The following OMG variants were observed in gnomAD, a reference collection of about 807,000 sequenced individuals.
The protein encoded by OMG is oligodendrocyte myelin glycoprotein.
OMG carries 9 observed loss-of-function variants against 26.2 expected under a neutral mutation model. That is an observed-to-expected ratio of 0.34 (90% CI 0.21 to 0.60). The LOEUF (loss-of-function observed/expected upper bound fraction) is 0.60, where lower values mean the gene tolerates loss of function less well. Among genes scored for constraint, OMG ranks in the 20% least tolerant of loss-of-function variants. OMG has a pLI of 0.80. For missense variants in OMG, 402 were observed against 513.6 expected (o/e 0.78, Z 2.10); for synonymous variants, 179 against 190.4 (o/e 0.94, Z 0.49).
At position 31,295,187 on chromosome 17, in the gene OMG, A is replaced by G; in HGVS notation, c.1145T>C (p.Ile382Thr). The change falls in exon 2 of 2, where the codon ATC (isoleucine) becomes ACC (threonine). Residue 382 changes from isoleucine (I) to threonine (T), a missense_variant. Transcript: ENST00000247271. Reference sequence around the variant, plus strand: ...GAAATTATTTGGCATGCCACTAGTGATACTTAGGGTCATGGGTGTTGGGGA... The same window carrying G: ...GAAATTATTTGGCATGCCACTAGTGGTACTTAGGGTCATGGGTGTTGGGGA... ...KSSPTPMTLS[I>T]TSGMPNNFSE... The G allele has an allele frequency of 6.2e-7, 1 of 1,614,108 alleles. No individual in the cohort carries two copies. Among genetic ancestry groups the G allele is most frequent in the Non-Finnish European group, 8.5e-7 (1 of 1,180,018 alleles).
In OMG at chr17:31,295,014, C is replaced by G. The variant is rs372004919; in HGVS notation, c.1318G>C (p.Val440Leu). Reference sequence around the variant, plus strand: ...GTTTCAGAAAATGCAGACCCTCAGACAGCCAGCATGACCACAACATTGAGC... The same window carrying G: ...GTTTCAGAAAATGCAGACCCTCAGAGAGCCAGCATGACCACAACATTGAGC... Reference protein sequence around the residue: ...LLLNVVVMLAV With the variant: ...LLLNVVVMLAL The change falls in exon 2 of 2, where the codon GTC becomes CTC. Residue 440 changes from valine (V) to leucine (L), a missense_variant. By Grantham distance (32) the Val-to-Leu change is conservative (BLOSUM62 1). Transcript: ENST00000247271. The G allele has an allele frequency of 1.2e-5, 20 of 1,614,124 alleles. No individual in the cohort carries two copies. Among genetic ancestry groups the G allele is most frequent in the Middle Eastern group, 3.3e-4 (2 of 6,062 alleles).
intron 1 of OMG, 39 bp from the exon 2 acceptor site, chr17:31,296,376 A>T (rs766631658): frequency 1.2e-6 from 2 of 1,611,880 alleles, no homozygotes; most frequent in Non-Finnish European, 1.7e-6. Context: ...TAATATGCAA[A>T]TACAGTTTAG....
In OMG at chr17:31,295,944, C is replaced by T. The variant is rs778847992; in HGVS notation, c.388G>A (p.Val130Ile). 1 of 1,614,086 alleles carries T rather than the reference C, an allele frequency of 6.2e-7. No individual in the cohort carries two copies. Among genetic ancestry groups the T allele is most frequent in the East Asian group, 2.2e-5 (1 of 44,888 alleles). ...ACCTTTTCCAGCATGTTCTTAGAAA[C>T]ATCCAGATATTTAAGATTCCACTGA... ...AYQWNLKYLD[V>I]SKNMLEKVVL... The change falls in exon 2 of 2, where the codon GTT (valine) becomes ATT (isoleucine). Residue 130 changes from valine to isoleucine, a missense_variant. Coordinates refer to ENST00000247271, the MANE Select transcript of OMG (RefSeq NM_002544.5).
chr17:31,295,681 C>T lies in OMG; in HGVS notation c.651G>A (p.Leu217=), dbSNP rs757619327. ...PDQSFDQLFQ[L]QEITLYNNRW... is the part of the protein sequence containing the mutation. ...TGTTATTGTAAAGGGTTATCTCTTG[C>T]AACTGAAAGAGTTGGTCAAAAGATT... The change falls in exon 2 of 2, where the codon TTG becomes TTA. Residue 217 remains leucine, a synonymous_variant. Transcript: ENST00000247271. 1.2e-6 allele frequency: 2 copies of T among 1,614,108 alleles called. No individual in the cohort carries two copies. Among genetic ancestry groups the T allele is most frequent in the South Asian group, 1.1e-5 (1 of 91,080 alleles).
chr17:31,296,589 T>TC (rs1236188768), intron 1 of OMG: 5 of 476,808 alleles, frequency 1.0e-5, no homozygotes, highest in Admixed American at 6.6e-5. Context: ...ATTTTCTCTC[T>TC]CCCTCCCCCC....
At chr17:31,297,115 A>G (rs1014859443) in intron 1 of OMG, 41 bp downstream of exon 1, 1 of 152,228 alleles carries the variant, frequency 6.6e-6, no homozygotes, top group Non-Finnish European at 1.5e-5. Flanking sequence ...AAGGAAAAAG[A>G]TTCCAAAGTC....
chr17:31,294,877 A>G lies in OMG; in HGVS notation c.*132T>C, dbSNP rs1013458051. ...TAAGACAAGTTACTTCATTTACATC[A>G]GAGTTAGAAATGTTAAGACTGGCTT... is the stretch of plus-strand genomic sequence containing the variant. On this transcript the variant is annotated 3_prime_UTR_variant, in exon 2 of 2. Transcript: ENST00000247271. The G allele has an allele frequency of 8.5e-7, 1 of 1,170,624 alleles. No individual in the cohort carries two copies. The highest frequency in any genetic ancestry group is 1.3e-6 in the Non-Finnish European group (1 of 794,948). The allele number at this position is 1,170,624 out of a possible 1,614,324, so 72.5% of individuals were successfully genotyped here.
chr17:31,296,357 C>T lies in OMG; in HGVS notation c.-6-20G>A, dbSNP rs918529623. 1.2e-6 allele frequency: 2 copies of T among 1,613,540 alleles called. No individual in the cohort carries two copies. The highest frequency in any genetic ancestry group is 1.7e-5 in the Admixed American group (1 of 60,014). ...CAAAGCCTAGAAACAAACAGATACA[C>T]CCTTCTTTTAATATGCAAATACAGT... On this transcript the variant is annotated intron_variant, in intron 1 of 1. Coordinates refer to ENST00000247271, the MANE Select transcript of OMG (RefSeq NM_002544.5).
In OMG at chr17:31,294,874, A is replaced by T. The variant is rs2068427622; in HGVS notation, c.*135T>A. On this transcript the variant is annotated 3_prime_UTR_variant, in exon 2 of 2. Coordinates refer to ENST00000247271, the MANE Select transcript of OMG (RefSeq NM_002544.5). ...ATTTAAGACAAGTTACTTCATTTAC[A>T]TCAGAGTTAGAAATGTTAAGACTGG... 8.7e-7 allele frequency: 1 copy of T among 1,151,946 alleles called. No homozygotes were observed. The highest frequency in any genetic ancestry group is 1.5e-5 in the African/African-American group (1 of 65,390). The allele number at this position is 1,151,946 out of a possible 1,614,324, so 71.4% of individuals were successfully genotyped here. A position where few individuals can be genotyped will look rare whatever the true frequency, so the allele number is the denominator to read the frequency against.
In OMG at chr17:31,295,604, A is replaced by G. The variant is rs2151499295; in HGVS notation, c.728T>C (p.Met243Thr). The G allele has an allele frequency of 2.5e-6, 4 of 1,614,164 alleles. No individual in the cohort carries two copies. The highest frequency in any genetic ancestry group is 2.2e-5 in the East Asian group (1 of 44,880). Residue 243 changes from methionine to threonine, a missense_variant, in exon 2 of 2, where the codon ATG becomes ACG. Physicochemically the swap from Met to Thr is moderately conservative, Grantham distance 81. This residue lies in a region of OMG where 247 missense variants were observed against 274.7 expected (regional missense o/e 0.90). Transcript: ENST00000247271. ...CCCTATCACATGGGCTTTTGTTTCC[A>G]TCATCCACTTCAGTAAGTAAGTAAT... ...QNITYLLKWMMETKAHVIGTP... is the reference protein window; with the variant it reads ...QNITYLLKWMTETKAHVIGTP...
chr17:31,296,129 G>A lies in OMG; in HGVS notation c.203C>T (p.Thr68Ile). 1 of 1,611,016 alleles carries A rather than the reference G, an allele frequency of 6.2e-7. No homozygotes were observed. Among genetic ancestry groups the A allele is most frequent in the Non-Finnish European group, 8.5e-7 (1 of 1,178,056 alleles). ...TTGGGTTAACTGGTTATGCAGATCAGTAAAGTGGTTATAAGACAGGTTTAA... is the reference window on the plus strand; with the variant it reads ...TTGGGTTAACTGGTTATGCAGATCAATAAAGTGGTTATAAGACAGGTTTAA... ...IHLNLSYNHFTDLHNQLTQYT... is the reference protein window; with the variant it reads ...IHLNLSYNHFIDLHNQLTQYT... Residue 68 changes from threonine (T) to isoleucine (I), a missense_variant, in exon 2 of 2, where the codon ACT becomes ATT. By Grantham distance (89) the Thr-to-Ile change is moderately conservative (BLOSUM62 -1). This residue lies in a region of OMG where 65 missense variants were observed against 80.0 expected (regional missense o/e 0.81). Transcript: ENST00000247271.
At position 31,295,661 on chromosome 17, in the gene OMG, T is replaced by C. The variant is rs1397229874; in HGVS notation, c.671A>G (p.Asn224Ser). ...TTTGTGGTCACATGACCACCTGTTA[T>C]TGTAAAGGGTTATCTCTTGCAACTG... The part of the protein sequence containing the change: ...LFQLQEITLY[N>S]NRWSCDHKQN... The change falls in exon 2 of 2, where the codon AAT becomes AGT. Residue 224 changes from asparagine to serine, a missense_variant. Physicochemically the swap from Asn to Ser is conservative, Grantham distance 46. This residue lies in a region of OMG where 247 missense variants were observed against 274.7 expected (regional missense o/e 0.90). Transcript: ENST00000247271. 9.9e-6 allele frequency: 16 copies of C among 1,614,026 alleles called. No individual in the cohort carries two copies. Among genetic ancestry groups the C allele is most frequent in the Non-Finnish European group, 1.4e-5 (16 of 1,180,016 alleles).
Position 31,295,699 on chromosome 17 carries a change from A to C in OMG, c.633T>G (p.Phe211Leu), listed in dbSNP as rs749083754. ...NKFTFIPDQS[F>L]DQLFQLQEIT... ...TCTCTTGCAACTGAAAGAGTTGGTC[A>C]AAAGATTGGTCTGGAATGAATGTGA... The change falls in exon 2 of 2, where the codon TTT (phenylalanine) becomes TTG (leucine). Residue 211 changes from phenylalanine to leucine, a missense_variant. This residue lies in a region of OMG where 247 missense variants were observed against 274.7 expected (regional missense o/e 0.90). Transcript: ENST00000247271. The C allele has an allele frequency of 6.2e-7, 1 of 1,614,210 alleles. No individual in the cohort carries two copies. Among genetic ancestry groups the C allele is most frequent in the Admixed American group, 1.7e-5 (1 of 60,026 alleles).
In OMG at chr17:31,296,551, C is replaced by G. The variant is rs543855668; in HGVS notation, c.-6-214G>C. 5.3e-5 allele frequency: 30 copies of G among 560,932 alleles called. No individual in the cohort carries two copies. In the African/African-American group the frequency reaches 5.4e-4, roughly 10 times the overall value. The allele number at this position is 560,932 out of a possible 1,614,324, so 34.7% of individuals were successfully genotyped here. On this transcript the variant is annotated intron_variant, in intron 1 of 1. Coordinates refer to ENST00000247271, the MANE Select transcript of OMG (RefSeq NM_002544.5). ...GCTATGTGGTAGAGAGAGACTCTCT[C>G]CCTACTCTCTCCTGCATTTTCTCCT...
Position 31,295,693 on chromosome 17 carries a change from T to C in OMG, c.639A>G (p.Gln213=), listed in dbSNP as rs779884835. ...FTFIPDQSFD[Q]LFQLQEITLY... ...GGGTTATCTCTTGCAACTGAAAGAG[T>C]TGGTCAAAAGATTGGTCTGGAATGA... Residue 213 remains glutamine, a synonymous_variant, in exon 2 of 2, where the codon CAA becomes CAG. Coordinates refer to ENST00000247271, the MANE Select transcript of OMG (RefSeq NM_002544.5). The C allele has an allele frequency of 5.6e-6, 9 of 1,613,922 alleles. No individual in the cohort carries two copies. Among genetic ancestry groups the C allele is most frequent in the Non-Finnish European group, 7.6e-6 (9 of 1,179,990 alleles).
chr17:31,295,177 G>A lies in OMG; in HGVS notation c.1155C>T (p.Gly385=), dbSNP rs1455036168. The A allele has an allele frequency of 6.2e-7, 1 of 1,614,150 alleles. No homozygotes were observed. Among genetic ancestry groups the A allele is most frequent in the East Asian group, 2.2e-5 (1 of 44,890 alleles). ...PTPMTLSITS[G]MPNNFSEMPQ... The stretch of plus-strand genomic sequence containing the variant: ...GCATTTCAGAGAAATTATTTGGCAT[G>A]CCACTAGTGATACTTAGGGTCATGG... Residue 385 remains glycine, a synonymous_variant, in exon 2 of 2, where the codon GGC becomes GGT. Coordinates refer to ENST00000247271, the MANE Select transcript of OMG (RefSeq NM_002544.5).
Position 31,294,972 on chromosome 17 carries a change from G to C in OMG, c.*37C>G, listed in dbSNP as rs1296234420. ...CATATTTTCCCAACTGTACATCAGG[G>C]AGGAGTGCTTTCATTAGTTTCAGAA... On this transcript the variant is annotated 3_prime_UTR_variant, in exon 2 of 2. Transcript: ENST00000247271. The C allele has an allele frequency of 6.2e-7, 1 of 1,613,672 alleles. No individual in the cohort carries two copies. Among genetic ancestry groups the C allele is most frequent in the Non-Finnish European group, 8.5e-7 (1 of 1,179,756 alleles).
chr17:31,295,775 G>A lies in OMG; in HGVS notation c.557C>T (p.Thr186Ile). The A allele has an allele frequency of 1.2e-6, 2 of 1,614,174 alleles. No individual in the cohort carries two copies. Among genetic ancestry groups the A allele is most frequent in the Non-Finnish European group, 1.7e-6 (2 of 1,180,014 alleles). The part of the protein sequence containing the change: ...NNSLTQILPG[T>I]LINLTNLTHL... ...TGTGAGATTTGTCAGGTTTATTAAT[G>A]TACCTGGAAGAATTTGTGTCAAAGA... The change falls in exon 2 of 2, where the codon ACA becomes ATA. Residue 186 changes from threonine to isoleucine, a missense_variant. Around this residue, in one of 3 missense-constraint regions of OMG, gnomAD observed 90 missense variants for 158.9 expected, o/e 0.57. Transcript: ENST00000247271.
In OMG at chr17:31,297,172, A is replaced by T. The variant is rs2068485070; in HGVS notation, c.-23T>A. On this transcript the variant is annotated 5_prime_UTR_variant, in exon 1 of 2. It adds an upstream start codon to the 5' untranslated region. Transcript: ENST00000247271. ...ACATCTTACCGTGGTGTCGTCTTCA[A>T]CATCAGCATCTCATTTTCTCTGGGA... 1 of 152,244 alleles carries T rather than the reference A, an allele frequency of 6.6e-6. No individual in the cohort carries two copies. The highest frequency in any genetic ancestry group is 1.9e-4 in the East Asian group (1 of 5,200). The allele number at this position is 152,244 out of a possible 1,614,324, so 9.4% of individuals were successfully genotyped here.
Sources: gnomAD v4.1 joint callset for allele counts on GRCh38, gnomAD v4.1.1 for gene constraint, gnomAD v4.1.1 regional missense constraint, MANE v1.5 for transcripts, NCBI Gene and HGNC (gene_info 2026-07-23, HGNC 2026-07-21) for gene names.